Variants in ARL15 observed in about 807,000 individuals in gnomAD.
ARL15 encodes ADP-ribosylation factor-like protein 15.
ARL15 carries 19 observed loss-of-function variants against 25.2 expected under a neutral mutation model. That is an observed-to-expected ratio of 0.75 (90% confidence interval 0.53 to 1.10). The LOEUF (loss-of-function observed/expected upper bound fraction) is 1.10. Ranked by LOEUF, ARL15 falls within the 50% of genes least tolerant of loss-of-function variation. ARL15 has a pLI of 0.00. For synonymous variants in ARL15, 94 were observed against 86.8 expected (o/e 1.08, Z -0.46); for missense variants, 220 against 246.0 (o/e 0.89, Z 0.71).
chr5:54,097,612 A>T (rs1752326362), intron 4 of ARL15, among the ~76,000 whole-genome samples: 1 of 152,224 alleles, frequency 6.6e-6, no homozygotes. Flanking sequence ...AAAATTTTAC[A>T]TTCAAGTAGA....
chr5:53,901,751 T>C (rs1054455397), intron 4 of ARL15, among the ~76,000 whole-genome samples: 1 of 152,120 alleles, frequency 6.6e-6, no homozygotes, highest in African/African-American at 2.4e-5. Context: ...TTAAAGAGCA[T>C]ATGAAAAAGA....
At chr5:54,233,972 A>G (rs1756737358) in intron 1 of ARL15, among the ~76,000 whole-genome samples, 2 of 152,152 alleles carry the variant, frequency 1.3e-5, no homozygotes. Context: ...TTTCATTTAA[A>G]TGTTATTCAT....
At chr5:54,127,682 T>C (rs1374341259) in intron 3 of ARL15, among the ~76,000 whole-genome samples, 1 of 151,814 alleles carries the variant, frequency 6.6e-6, no homozygotes, top group Non-Finnish European at 1.5e-5. Flanking sequence ...AAAGTTCATA[T>C]GGAACCAAAA....
chr5:53,958,983 T>C (rs1035643579), intron 4 of ARL15, among the ~76,000 whole-genome samples: 6 of 152,134 alleles, frequency 3.9e-5, no homozygotes, highest in African/African-American at 1.4e-4. Flanking sequence ...TACCTCACTT[T>C]CAATAATAGA....
intron 1 of ARL15, among the ~76,000 whole-genome samples, chr5:54,182,484 C>T (rs255681): frequency 0.25 from 37,605 of 150,156 alleles, 5,168 homozygotes; most frequent in African/African-American, 0.34. Flanking sequence ...TTTCTGAGGG[C>T]TTTGTTCTGT....
chr5:54,078,852 T>G (rs1381466484), intron 4 of ARL15, among the ~76,000 whole-genome samples: 1 of 152,192 alleles, frequency 6.6e-6, no homozygotes, highest in African/African-American at 2.4e-5. Context: ...TCATTAAATT[T>G]TATTACAATT....
At position 54,296,819 on chromosome 5, in the gene ARL15, T is replaced by C. The variant is rs143622398; in HGVS notation, c.48+13613A>G. Among the ~76,000 whole-genome samples, 314 of 152,328 alleles carry C rather than the reference T, an allele frequency of 2.1e-3. 1 individual carries two copies. The highest frequency in any genetic ancestry group is 6.8e-3 in the Middle Eastern group (2 of 294). ...GTGGCCCTGGAAGGACCCTCAATTC[T>C]GTTTTGGTAGTGAAAGGTTGGGAGA... is the stretch of plus-strand genomic sequence containing the variant. On this transcript the variant is annotated intron_variant, in intron 1 of 4. Transcript: ENST00000504924.
chr5:54,118,705 G>T (rs1201767671), intron 3 of ARL15, among the ~76,000 whole-genome samples: 1 of 152,102 alleles, frequency 6.6e-6, no homozygotes, highest in East Asian at 1.9e-4. Context: ...AAACTAAGAG[G>T]TCTACCCAGG....
At chr5:54,256,323 A>C (rs1757360358) in intron 1 of ARL15, among the ~76,000 whole-genome samples, 1 of 150,564 alleles carries the variant, frequency 6.6e-6, no homozygotes, top group African/African-American at 2.4e-5. Context: ...TAATGGATAG[A>C]TTCCTGGAAA....
At chr5:54,101,164 A>G (rs1752425798) in intron 4 of ARL15, among the ~76,000 whole-genome samples, 1 of 152,094 alleles carries the variant, frequency 6.6e-6, no homozygotes. Flanking sequence ...TATTCTAAAA[A>G]TAATTGTGGT....
intron 4 of ARL15, among the ~76,000 whole-genome samples, chr5:54,111,328 A>G (rs1752733711): frequency 6.6e-6 from 1 of 152,056 alleles, no homozygotes; most frequent in African/African-American, 2.4e-5. Context: ...TACATTTATA[A>G]CTATCAGTCT....
chr5:54,182,843 T>A (rs1324887164), intron 1 of ARL15, among the ~76,000 whole-genome samples: 1 of 151,702 alleles, frequency 6.6e-6, no homozygotes, highest in Non-Finnish European at 1.5e-5. Context: ...GGTTTGTAGT[T>A]CTCCTTGAAG....
rs567181111 is a variant in ARL15 at position 54,297,839 on chromosome 5, G to A, written c.48+12593C>T. Among the ~76,000 whole-genome samples the A allele has an allele frequency of 1.7e-4, 26 of 152,214 alleles. No individual in the cohort carries two copies. In the East Asian group the frequency reaches 2.9e-3, roughly 17 times the overall value. On this transcript the variant is annotated intron_variant, in intron 1 of 4. Coordinates refer to ENST00000504924, the MANE Select transcript of ARL15 (RefSeq NM_019087.3). ...GCTCTGTCGCCCAGGCTGGAGTGCA[G>A]TGGCACAATCTCAGCTCACTGCAAG...
intron 3 of ARL15, among the ~76,000 whole-genome samples, chr5:54,125,982 T>C (rs902661701): frequency 6.6e-6 from 1 of 152,154 alleles, no homozygotes; most frequent in Non-Finnish European, 1.5e-5. Flanking sequence ...AAAATTGCTA[T>C]GAGGGTTTGC....
intron 4 of ARL15, among the ~76,000 whole-genome samples, chr5:54,054,649 G>A (rs773861286): frequency 6.6e-6 from 1 of 152,130 alleles, no homozygotes; most frequent in Admixed American, 6.5e-5. Flanking sequence ...AATTAGCCGG[G>A]CGTGGCAGCG....
At chr5:53,978,635 A>G (rs1580136059) in intron 4 of ARL15, among the ~76,000 whole-genome samples, 2 of 130,644 alleles carry the variant, frequency 1.5e-5, no homozygotes, top group South Asian at 2.3e-4. Flanking sequence ...AAAAAAAAAA[A>G]AGAAAAGAAA....
intron 1 of ARL15, among the ~76,000 whole-genome samples, chr5:54,249,456 G>A (rs1408021555): frequency 1.3e-5 from 2 of 152,112 alleles, no homozygotes; most frequent in Non-Finnish European, 2.9e-5. Flanking sequence ...ATAAGAGGAA[G>A]TGAAGATAAC....
At chr5:54,183,980 C>T (rs1235631420) in intron 1 of ARL15, among the ~76,000 whole-genome samples, 1 of 118,494 alleles carries the variant, frequency 8.4e-6, no homozygotes. Context: ...AACCATCATT[C>T]TCAGTAAACT....
rs140775820 is a variant in ARL15 at position 54,175,404 on chromosome 5, G to A, written c.49-3476C>T. On this transcript the variant is annotated intron_variant, in intron 1 of 4. Coordinates refer to ENST00000504924, the MANE Select transcript of ARL15 (RefSeq NM_019087.3). ...GGCTGGAGTGCAATGGCACAATCTCGGCTCACAGCAACCTCCACCTCCCGG... is the reference window on the plus strand; with the variant it reads ...GGCTGGAGTGCAATGGCACAATCTCAGCTCACAGCAACCTCCACCTCCCGG... Among the ~76,000 whole-genome samples, 68 of 150,744 alleles carry A rather than the reference G, an allele frequency of 4.5e-4. 3 individuals are homozygous for A. In the East Asian group the frequency reaches 9.4e-3, roughly 21 times the overall value.
Sources: allele counts gnomAD v4.1 joint callset (sites outside exome capture counted in the v4.1 genomes callset), GRCh38; gene constraint gnomAD v4.1.1; transcripts MANE v1.5; gene names NCBI Gene and HGNC (gene_info 2026-07-23, HGNC 2026-07-21).